Variants in PTPRT observed in about 807,000 individuals in gnomAD.
The protein encoded by PTPRT is receptor-type tyrosine-protein phosphatase T.
Under a neutral mutation model 176.8 loss-of-function variants are expected in PTPRT, and 56 were observed. That is an observed-to-expected ratio of 0.32 (90% CI 0.26 to 0.40). The LOEUF is 0.40. PTPRT is among the 10% of genes least tolerant of loss of function. The pLI, the probability that PTPRT is intolerant of heterozygous loss-of-function variation, is 1.00. For missense variants in PTPRT, 1,540 were observed against 1,908.2 expected (o/e 0.81, Z 3.60); for synonymous variants, 783 against 739.0 (o/e 1.06, Z -0.96).
chr20:42,086,959 C>A (rs1984031594), intron 27 of PTPRT, among the ~76,000 whole-genome samples: 1 of 150,268 alleles, frequency 6.7e-6, no homozygotes, highest in South Asian at 2.1e-4. Context: ...GAAATTAGAA[C>A]CTACAGCTGA....
intron 7 of PTPRT, among the ~76,000 whole-genome samples, chr20:42,674,116 A>G (rs1462850599): frequency 6.6e-6 from 1 of 152,134 alleles, no homozygotes; most frequent in East Asian, 1.9e-4. Flanking sequence ...AACACCAATA[A>G]ACACCACCTA....
chr20:42,807,799 G>A (rs528950821), intron 2 of PTPRT, among the ~76,000 whole-genome samples: 2 of 152,208 alleles, frequency 1.3e-5, no homozygotes, highest in East Asian at 1.9e-4. Flanking sequence ...TTATGTGCCC[G>A]CTAAACATTC....
At chr20:42,119,024 A>G (rs1272932062) in intron 20 of PTPRT, among the ~76,000 whole-genome samples, 1 of 149,288 alleles carries the variant, frequency 6.7e-6, no homozygotes, top group Non-Finnish European at 1.5e-5. Context: ...AAAAAAAAAA[A>G]AAAAAAAAAA....
intron 7 of PTPRT, among the ~76,000 whole-genome samples, chr20:42,567,665 C>A (rs1052709641): frequency 8.5e-5 from 13 of 152,206 alleles, no homozygotes; most frequent in Non-Finnish European, 1.6e-4. Flanking sequence ...CCAGCCTCAC[C>A]TATTTGTTGT....
intron 3 of PTPRT, among the ~76,000 whole-genome samples, chr20:42,786,281 G>A (rs996026391): frequency 6.6e-6 from 1 of 152,138 alleles, no homozygotes; most frequent in African/African-American, 2.4e-5. Flanking sequence ...ATACATATAT[G>A]TTCTCTAATT....
intron 2 of PTPRT, among the ~76,000 whole-genome samples, chr20:42,811,188 T>A (rs1014498780): frequency 2.0e-5 from 3 of 152,188 alleles, no homozygotes; most frequent in Non-Finnish European, 4.4e-5. Flanking sequence ...ATACAAAGAT[T>A]GAAGTTTAAA....
intron 1 of PTPRT, among the ~76,000 whole-genome samples, chr20:42,916,867 T>C (rs1978797875): frequency 6.6e-6 from 1 of 152,242 alleles, no homozygotes; most frequent in Non-Finnish European, 1.5e-5. Flanking sequence ...ATTAGCCCTT[T>C]GTCAGATGAG....
At chr20:42,758,590 C>T (rs981759333) in intron 5 of PTPRT, among the ~76,000 whole-genome samples, 2 of 152,070 alleles carry the variant, frequency 1.3e-5, no homozygotes, top group African/African-American at 4.8e-5. Flanking sequence ...GTCTCAAACA[C>T]GTATTTGCTT....
chr20:42,996,057 T>G (rs917975774), intron 1 of PTPRT, among the ~76,000 whole-genome samples: 2 of 152,156 alleles, frequency 1.3e-5, no homozygotes, highest in Non-Finnish European at 2.9e-5. Context: ...GGTATTGCCA[T>G]CTACTTAACA....
At chr20:42,965,250 G>C (rs1002197389) in intron 1 of PTPRT, among the ~76,000 whole-genome samples, 1 of 152,034 alleles carries the variant, frequency 6.6e-6, no homozygotes, top group Admixed American at 6.5e-5. Context: ...AAGAAAGCCC[G>C]GATTTATAGT....
At chr20:42,864,219 G>A (rs2078707230) in intron 2 of PTPRT, among the ~76,000 whole-genome samples, 1 of 152,216 alleles carries the variant, frequency 6.6e-6, no homozygotes, top group East Asian at 1.9e-4. Flanking sequence ...ACTGGACAAA[G>A]AACCTCCAGC....
chr20:42,526,012 G>C (rs1269421922), intron 7 of PTPRT, among the ~76,000 whole-genome samples: 2 of 150,390 alleles, frequency 1.3e-5, no homozygotes, highest in Non-Finnish European at 3.0e-5. Context: ...ACTATGGAGA[G>C]TGTTTTTTTT....
At chr20:42,144,974 T>C (rs1341078144) in intron 17 of PTPRT, among the ~76,000 whole-genome samples, 1 of 152,212 alleles carries the variant, frequency 6.6e-6, no homozygotes, top group East Asian at 1.9e-4. Context: ...GTTCTACCTT[T>C]CTTGCATCTG....
intron 6 of PTPRT, among the ~76,000 whole-genome samples, chr20:42,710,063 A>C (rs1194468021): frequency 6.6e-6 from 1 of 152,184 alleles, no homozygotes; most frequent in Non-Finnish European, 1.5e-5. Context: ...CTATGATCAG[A>C]TGTGGGAACA....
intron 13 of PTPRT, among the ~76,000 whole-genome samples, chr20:42,255,198 C>T (rs2056617243): frequency 6.6e-6 from 1 of 152,176 alleles, no homozygotes; most frequent in South Asian, 2.1e-4. Context: ...TGGAAATATG[C>T]AAGCTTGCGT....
chr20:42,961,401 T>C (rs1342063392), intron 1 of PTPRT, among the ~76,000 whole-genome samples: 2 of 152,224 alleles, frequency 1.3e-5, no homozygotes, highest in Non-Finnish European at 2.9e-5. Flanking sequence ...TTTTAGTTAT[T>C]ATGCACAATT....
At chr20:42,598,278 G>T (rs79768513) in intron 7 of PTPRT, among the ~76,000 whole-genome samples, 6,942 of 152,128 alleles carry the variant, frequency 0.046, 531 homozygotes, top group African/African-American at 0.16. Context: ...ATAACATACA[G>T]CTATTAGCAG....
intron 13 of PTPRT, among the ~76,000 whole-genome samples, chr20:42,250,937 A>G (rs2056541375): frequency 6.6e-6 from 1 of 152,172 alleles, no homozygotes; most frequent in Non-Finnish European, 1.5e-5. Flanking sequence ...AGCCCAGAGA[A>G]TTCCTGAAAG....
intron 2 of PTPRT, among the ~76,000 whole-genome samples, chr20:42,882,795 G>C (rs2079028659): frequency 6.6e-6 from 1 of 152,206 alleles, no homozygotes; most frequent in Admixed American, 6.5e-5. Context: ...AATAACACCT[G>C]CTGTGATGCG....
Sources: gnomAD v4.1 joint callset for allele counts (sites outside exome capture counted in the v4.1 genomes callset) on GRCh38, gnomAD v4.1.1 for gene constraint, MANE v1.5 for transcripts, NCBI Gene and HGNC (gene_info 2026-07-23, HGNC 2026-07-21) for gene names.